The following RUFY3 variants were observed in gnomAD, a reference collection of about 807,000 sequenced individuals.
The protein encoded by RUFY3 is RUN and FYVE domain containing 3, also known as protein RUFY3.
In RUFY3, 34 loss-of-function variants were observed where a neutral mutation model predicts 84.0. The observed-to-expected ratio is 0.40, with a 90% CI of 0.31 to 0.54. The LOEUF is 0.54. Ranked by LOEUF, RUFY3 falls within the 20% of genes least tolerant of loss-of-function variation. RUFY3 has a pLI of 0.39. For synonymous variants in RUFY3, 242 were observed against 252.9 expected, an observed-to-expected ratio of 0.96 and a Z score of 0.41; for missense variants, 507 against 736.8, an observed-to-expected ratio of 0.69 and a Z score of 3.61.
exon 1 of RUFY3, chr4:70,704,874 C>T (rs1347803857): frequency 2.7e-6 from 3 of 1,095,406 alleles, no homozygotes; most frequent in Non-Finnish European, 3.4e-6. Flanking sequence ...CTCGCCCTGA[C>T]CCTCTGCTCC....
intron 10 of RUFY3, 86 bp from the exon 11 acceptor site, chr4:70,788,720 T>A: frequency 6.8e-7 from 1 of 1,471,370 alleles, no homozygotes; most frequent in Non-Finnish European, 9.2e-7. Context: ...CCTGAGAGTT[T>A]TGGTGTACTT....
chr4:70,737,843 T>G (rs1021002204), intron 1 of RUFY3, among the ~76,000 whole-genome samples: 29 of 151,762 alleles, frequency 1.9e-4, no homozygotes, highest in African/African-American at 7.0e-4. Context: ...CTGGCTAATT[T>G]TTGTATTTTT....
upstream of RUFY3, among the ~76,000 whole-genome samples, chr4:70,718,583 T>G (rs1741906055): frequency 6.6e-6 from 1 of 152,142 alleles, no homozygotes; most frequent in South Asian, 2.1e-4. Flanking sequence ...TCAATACAGC[T>G]CATACAGTAA....
At chr4:70,718,945 C>G (rs1055538290), upstream of RUFY3, among the ~76,000 whole-genome samples, 1 of 152,156 alleles carries the variant, frequency 6.6e-6, no homozygotes, top group African/African-American at 2.4e-5. Flanking sequence ...GAACTCCCGA[C>G]TTCAGGTGAC....
rs1228431814 is a variant in RUFY3, at chr4:70,806,648, A to G, written c.1852A>G (p.Ser618Gly). Residue 618 changes from serine (S) to glycine (G), a missense_variant, in exon 18 of 18, where the codon AGC becomes GGC. Ser to Gly is a moderately conservative substitution (Grantham distance 56). Coordinates refer to ENST00000381006, the MANE Select transcript of RUFY3 (RefSeq NM_001037442.4). ...HKHLMKQYST[S>G]PS is the part of the protein sequence containing the mutation. ...GCATCTGATGAAGCAATATTCTACC[A>G]GCCCATCATAAGACTGGAGGCCAAG... The G allele has an allele frequency of 6.2e-7, 1 of 1,614,118 alleles. No homozygotes were observed. Among genetic ancestry groups the G allele is most frequent in the Admixed American group, 1.7e-5 (1 of 60,014 alleles).
chr4:70,766,325 G>A (rs947758617), intron 4 of RUFY3, among the ~76,000 whole-genome samples: 4 of 151,810 alleles, frequency 2.6e-5, no homozygotes, highest in Non-Finnish European at 5.9e-5. Context: ...GCTCACTGCA[G>A]CTTCCACCTC....
At chr4:70,782,505 G>C (rs557190416) in intron 8 of RUFY3, among the ~76,000 whole-genome samples, 1 of 151,764 alleles carries the variant, frequency 6.6e-6, no homozygotes, top group African/African-American at 2.4e-5. Flanking sequence ...GGATGGTCTC[G>C]ATCTCCTGAC....
chr4:70,744,362 G>T (rs1272603050), intron 1 of RUFY3, among the ~76,000 whole-genome samples: 1 of 150,446 alleles, frequency 6.6e-6, no homozygotes, highest in African/African-American at 2.5e-5. Flanking sequence ...TAATTTTTAT[G>T]TATGTATGTA....
chr4:70,756,358 C>G (rs6836945), intron 1 of RUFY3, among the ~76,000 whole-genome samples: 10,699 of 152,208 alleles, frequency 0.07, 589 homozygotes, highest in East Asian at 0.2. Context: ...AATGGCTTCT[C>G]TAAAATTCAA....
chr4:70,759,164 A>T (rs1008132475), intron 1 of RUFY3, among the ~76,000 whole-genome samples: 2 of 151,426 alleles, frequency 1.3e-5, no homozygotes, highest in Non-Finnish European at 2.9e-5. Context: ...CCTCCTCCAT[A>T]CTCTTTTCAT....
intron 1 of RUFY3, among the ~76,000 whole-genome samples, chr4:70,742,477 A>G (rs560699668): frequency 3.3e-5 from 5 of 152,088 alleles, no homozygotes; most frequent in Admixed American, 2.0e-4. Flanking sequence ...GTGACATCTC[A>G]TGTATTTATA....
At chr4:70,781,654 A>C (rs1462501326) in intron 8 of RUFY3, among the ~76,000 whole-genome samples, 1 of 152,192 alleles carries the variant, frequency 6.6e-6, no homozygotes, top group East Asian at 1.9e-4. Context: ...CTTGCCCAGA[A>C]TTGGTTTCGT....
intron 1 of RUFY3, among the ~76,000 whole-genome samples, chr4:70,744,417 T>C (rs1721828494): frequency 6.6e-6 from 1 of 151,142 alleles, no homozygotes; most frequent in African/African-American, 2.4e-5. Context: ...CCCAGGCTGG[T>C]CTCAAACTCC....
chr4:70,735,092 A>G (rs950948328), intron 1 of RUFY3, among the ~76,000 whole-genome samples: 6 of 152,256 alleles, frequency 3.9e-5, no homozygotes, highest in African/African-American at 1.2e-4. Flanking sequence ...TCAGAACGGA[A>G]TTCACGTTGT....
At position 70,762,695 on chromosome 4, in the gene RUFY3, A is replaced by G. The variant is rs1725229449; in HGVS notation, c.352+3A>G. On this transcript the variant is annotated splice_donor_region_variant and intron_variant, in intron 2 of 17. Coordinates refer to ENST00000381006, the MANE Select transcript of RUFY3 (RefSeq NM_001037442.4). ...CTGTCTGAAACATGGCTTGAAAGGT[A>G]GGCCATCACCCCAAAATGCAAATAT... The G allele has an allele frequency of 6.2e-7, 1 of 1,606,642 alleles. No individual in the cohort carries two copies. Among genetic ancestry groups the G allele is most frequent in the Non-Finnish European group, 8.5e-7 (1 of 1,174,982 alleles).
chr4:70,791,712 AGTGTGAT>A (rs1730848984), intron 12 of RUFY3: 1 of 1,005,388 alleles, frequency 9.9e-7, no homozygotes, highest in Non-Finnish European at 1.2e-6. Context: ...CTGCCATTGC[AGTGTGAT>A]GAACCTAGAG....
intron 11 of RUFY3, 83 bp from the exon 12 acceptor site, chr4:70,789,412 T>A: frequency 2.4e-6 from 3 of 1,274,392 alleles, no homozygotes; most frequent in South Asian, 1.4e-5. Flanking sequence ...GTTTTCCCAC[T>A]TACCATTAGA....
chr4:70,756,840 C>T (rs1242126174), intron 1 of RUFY3, among the ~76,000 whole-genome samples: 1 of 152,004 alleles, frequency 6.6e-6, no homozygotes, highest in Non-Finnish European at 1.5e-5. Context: ...AGAAGTGCAC[C>T]CAATGTCAGA....
At chr4:70,710,398 C>T (rs1160567630) in intron 1 of RUFY3, among the ~76,000 whole-genome samples, 4 of 151,298 alleles carry the variant, frequency 2.6e-5, no homozygotes, top group Non-Finnish European at 5.9e-5. Context: ...AGGTCGGGTG[C>T]GGTGGCTCAC....
Sources: gnomAD v4.1 joint callset for allele counts (sites outside exome capture counted in the v4.1 genomes callset) on GRCh38, gnomAD v4.1.1 for gene constraint, MANE v1.5 for transcripts, NCBI Gene and HGNC (gene_info 2026-07-23, HGNC 2026-07-21) for gene names.